The following QSER1 variants were observed in gnomAD, a reference collection of about 807,000 sequenced individuals.
The protein encoded by QSER1 is glutamine and serine-rich protein 1.
In QSER1, 49 loss-of-function variants were observed where a neutral mutation model predicts 158.5. The ratio of observed to expected loss-of-function variants is 0.31; its 90% CI spans 0.25 to 0.39. The LOEUF (loss-of-function observed/expected upper bound fraction) is 0.39. QSER1 is among the 10% of genes least tolerant of loss of function. The probability of loss-of-function intolerance (pLI) is 1.00; values close to 1 mark genes in which losing one functional copy is unlikely to be tolerated. For missense variants in QSER1, 1,754 were observed against 2,010.3 expected (o/e 0.87, Z 2.44); for synonymous variants, 650 against 715.5 (o/e 0.91, Z 1.46).
intron 1 of QSER1, among the ~76,000 whole-genome samples, chr11:32,901,416 G>T (rs1259417278): frequency 6.6e-6 from 1 of 152,192 alleles, no homozygotes; most frequent in East Asian, 1.9e-4. Flanking sequence ...AAATTATATT[G>T]AGTTCAAGGG....
intron 1 of QSER1, among the ~76,000 whole-genome samples, chr11:32,905,647 CA>C (rs1191010125): frequency 6.6e-6 from 1 of 152,112 alleles, no homozygotes; most frequent in Non-Finnish European, 1.5e-5. Flanking sequence ...GTTTTTGACT[CA>C]AATCTGATCC....
Position 32,932,635 on chromosome 11 carries a change from G to T in QSER1, c.1377G>T (p.Ala459=). ...ISGQAQIYST[A]QLPSLLSVSQ... ...GCCAAGCACAAATTTATTCTACAGC[G>T]CAGCTACCAAGCCTTTTATCAGTTA... The change falls in exon 4 of 13, where the codon GCG becomes GCT. Residue 459 remains alanine (A), a synonymous_variant. Transcript: ENST00000650167. 1.9e-6 allele frequency: 3 copies of T among 1,614,028 alleles called. No individual in the cohort carries two copies. The highest frequency in any genetic ancestry group is 2.2e-5 in the East Asian group (1 of 44,880).
chr11:32,914,491 T>C (rs1228290965), intron 1 of QSER1, among the ~76,000 whole-genome samples: 1 of 152,224 alleles, frequency 6.6e-6, no homozygotes, highest in African/African-American at 2.4e-5. Flanking sequence ...CAAAGTGATA[T>C]GACTACTTAA....
At position 32,934,993 on chromosome 11, in the gene QSER1, T is replaced by G. The variant is rs952045905; in HGVS notation, c.3735T>G (p.Pro1245=). ...ATATTTACTTACCGTATACTCCTCC[T>G]TCCTCAGAAAGCTGCCATGATGGTT... ...GTDIYLPYTP[P]SSESCHDGYQ... The change falls in exon 4 of 13, where the codon CCT becomes CCG. Residue 1245 remains proline (P), a synonymous_variant. Coordinates refer to ENST00000650167, the MANE Select transcript of QSER1 (RefSeq NM_001076786.3). 2 of 1,614,042 alleles carry G rather than the reference T, an allele frequency of 1.2e-6. No homozygotes were observed. Among genetic ancestry groups the G allele is most frequent in the African/African-American group, 2.7e-5 (2 of 74,942 alleles).
chr11:32,953,985 G>A lies in QSER1; in HGVS notation c.4306G>A (p.Glu1436Lys), dbSNP rs1590178038. The A allele has an allele frequency of 6.2e-7, 1 of 1,614,066 alleles. No homozygotes were observed. The change falls in exon 5 of 13, where the codon GAA (glutamate) becomes AAA (lysine). Residue 1436 changes from glutamate (E) to lysine (K), a missense_variant. By Grantham distance (56) the Glu-to-Lys change is moderately conservative. Around this residue, in one of 2 missense-constraint regions of QSER1, gnomAD observed 1,707 missense variants for 1,919.6 expected, o/e 0.89. Transcript: ENST00000650167. ...TACTTCATATGCAGTAAATATTCTG[G>A]AAAATATAAGCTCTTCAGAATCCTC... ...HSTSYAVNIL[E>K]NISSSESSKP...
At chr11:32,908,064 C>T in intron 1 of QSER1, among the ~76,000 whole-genome samples, 1 of 152,190 alleles carries the variant, frequency 6.6e-6, no homozygotes, top group East Asian at 1.9e-4. Flanking sequence ...CACCTCTCTT[C>T]TCCAGCCTGG....
intron 8 of QSER1, among the ~76,000 whole-genome samples, chr11:32,965,663 A>G (rs1407241317): frequency 2.6e-5 from 4 of 152,010 alleles, no homozygotes; most frequent in Admixed American, 6.6e-5. Flanking sequence ...TCACCTAGGA[A>G]GGGCCAAGCG....
At chr11:32,970,946 CTTTTTTTTTTTTTT>C (rs776051259) in intron 10 of QSER1, among the ~76,000 whole-genome samples, 1 of 76,870 alleles carries the variant, frequency 1.3e-5, no homozygotes. Context: ...AAGCAATTTG[CTTTTTTTTTTTTTT>C]TTTTTTTTTT....
At chr11:32,917,384 G>T (rs900404493) in intron 1 of QSER1, among the ~76,000 whole-genome samples, 3 of 152,120 alleles carry the variant, frequency 2.0e-5, no homozygotes, top group Non-Finnish European at 4.4e-5. Flanking sequence ...TAGAGTTGCT[G>T]GGCCATGTGG....
intron 1 of QSER1, among the ~76,000 whole-genome samples, chr11:32,907,297 A>T (rs1327633974): frequency 6.6e-6 from 1 of 152,234 alleles, no homozygotes; most frequent in Non-Finnish European, 1.5e-5. Flanking sequence ...CTACCCTAAA[A>T]TGTTATTAAA....
chr11:32,970,017 C>G (rs1024775523), intron 10 of QSER1, among the ~76,000 whole-genome samples: 4 of 152,156 alleles, frequency 2.6e-5, no homozygotes, highest in African/African-American at 7.2e-5. Context: ...AAAAGGCATG[C>G]AAATTTATTA....
At position 32,902,464 on chromosome 11, in the gene QSER1, C is replaced by T. The variant is rs537208628; in HGVS notation, c.209+9130C>T. On this transcript the variant is annotated intron_variant, in intron 1 of 12. Transcript: ENST00000650167. ...TGAGGAGATTTTGAGAACCACTGAC[C>T]TGGATCTTGTCAGTGTTGGCTTCTT... 4.6e-5 allele frequency among the ~76,000 whole-genome samples: 7 copies of T among 152,342 alleles called. No individual in the cohort carries two copies. The South Asian group carries it at 1.4e-3, about 32-fold the overall frequency.
At chr11:32,972,406 C>CTTGCTTAT (rs1219529995) in intron 10 of QSER1, among the ~76,000 whole-genome samples, 17 of 141,008 alleles carry the variant, frequency 1.2e-4, no homozygotes, top group African/African-American at 3.7e-4. Flanking sequence ...AGGCCAGTGG[C>CTTGCTTAT]TTATTTATTT....
At chr11:32,931,654 T>G in intron 3 of QSER1, 89 bp from the exon 4 acceptor site, 7 of 1,025,154 alleles carry the variant, frequency 6.8e-6, no homozygotes, top group East Asian at 2.4e-5. Flanking sequence ...GACATTTTGA[T>G]GAGTTGAGGG....
chr11:32,976,511 T>C lies in QSER1; in HGVS notation c.*37T>C, dbSNP rs1225890688. 8 of 1,605,668 alleles carry C rather than the reference T, an allele frequency of 5.0e-6. No individual in the cohort carries two copies. Among genetic ancestry groups the C allele is most frequent in the Non-Finnish European group, 6.8e-6 (8 of 1,175,460 alleles). On this transcript the variant is annotated 3_prime_UTR_variant, in exon 13 of 13. Transcript: ENST00000650167. ...AAATCCCATCTTTTTATAGCACTAA[T>C]GAAATGGCAGATATGGGGTGGTCAA...
chr11:32,910,149 C>G (rs1187473668), intron 1 of QSER1, among the ~76,000 whole-genome samples: 1 of 152,218 alleles, frequency 6.6e-6, no homozygotes, highest in Non-Finnish European at 1.5e-5. Flanking sequence ...CCACTTCAGG[C>G]CTTTTCCTAA....
chr11:32,964,603 C>T (rs1232425154), intron 8 of QSER1, among the ~76,000 whole-genome samples: 3 of 150,870 alleles, frequency 2.0e-5, no homozygotes, highest in African/African-American at 7.3e-5. Context: ...CGGTGGCTTA[C>T]AGCTAATCTC....
intron 1 of QSER1, among the ~76,000 whole-genome samples, chr11:32,905,076 G>C (rs1266608778): frequency 6.6e-6 from 1 of 152,160 alleles, no homozygotes; most frequent in Non-Finnish European, 1.5e-5. Context: ...TTTGGCCTCT[G>C]TAAGTTAACA....
rs1183328658 is a variant in QSER1 at position 32,893,071 on chromosome 11, AC to A, written c.-54del. The stretch of plus-strand genomic sequence containing the variant: ...CCCTCTCCCTGCCCGCCCCCGTCAC[AC>A]GGAGCCCTGGAGGATCCCCCGCTGC... On this transcript the variant is annotated 5_prime_UTR_variant, in exon 1 of 13. Coordinates refer to ENST00000650167, the MANE Select transcript of QSER1 (RefSeq NM_001076786.3). The surrounding 1 kb of genome is among the most constrained non-coding windows in gnomAD (Gnocchi z 4.7). 2.9e-5 allele frequency: 1 copy of A among 35,016 alleles called. No individual in the cohort carries two copies. Among genetic ancestry groups the A allele is most frequent in the Non-Finnish European group, 5.4e-5 (1 of 18,436 alleles). The allele number at this position is 35,016 out of a possible 1,614,324, so 2.2% of individuals were successfully genotyped here.
Sources: gnomAD v4.1 joint callset for allele counts (sites outside exome capture counted in the v4.1 genomes callset) on GRCh38, gnomAD v4.1.1 for gene constraint, gnomAD v4.1.1 regional missense constraint, Gnocchi (gnomAD v3.1) non-coding constraint, MANE v1.5 for transcripts, NCBI Gene and HGNC (gene_info 2026-07-23, HGNC 2026-07-21) for gene names.